The following SHANK2 variants were observed in gnomAD, a reference collection of about 807,000 sequenced individuals.
SHANK2 encodes SH3 and multiple ankyrin repeat domains 2.
In SHANK2, 43 loss-of-function variants were observed where a neutral mutation model predicts 133.7. That is an observed-to-expected ratio of 0.32 (90% CI 0.25 to 0.41). SHANK2 has a LOEUF of 0.41. Ranked by LOEUF, SHANK2 falls within the 10% of genes least tolerant of loss-of-function variation. The pLI is 1.00. For missense variants in SHANK2, 1,994 were observed against 2,235.8 expected, an observed-to-expected ratio of 0.89 and a Z score of 2.18; for synonymous variants, 1,017 against 952.8, an observed-to-expected ratio of 1.07 and a Z score of -1.24.
chr11:70,846,053 G>A (rs1555063178), intron 11 of SHANK2, among the ~76,000 whole-genome samples: 2 of 152,144 alleles, frequency 1.3e-5, no homozygotes, highest in South Asian at 4.1e-4. Context: ...GACCTGAACT[G>A]GGTCCCTGGG....
At chr11:70,719,549 G>A (rs938052180) in intron 14 of SHANK2, among the ~76,000 whole-genome samples, 1 of 152,098 alleles carries the variant, frequency 6.6e-6, no homozygotes, top group African/African-American at 2.4e-5. Context: ...CCTGACCTAC[G>A]TGGGATCCTG....
At chr11:71,115,718 G>A (rs1021970134) in intron 4 of SHANK2, among the ~76,000 whole-genome samples, 3 of 152,168 alleles carry the variant, frequency 2.0e-5, no homozygotes, top group Non-Finnish European at 4.4e-5. Flanking sequence ...CACAGCTGCA[G>A]GTACTGGGGC....
chr11:71,247,142 A>G (rs1183394951), intron 1 of SHANK2, among the ~76,000 whole-genome samples: 1 of 152,224 alleles, frequency 6.6e-6, no homozygotes, highest in East Asian at 1.9e-4. Flanking sequence ...TATAAATTCA[A>G]GAAAAGAACG....
chr11:71,158,242 C>T (rs7949824), intron 2 of SHANK2, among the ~76,000 whole-genome samples: 42,122 of 151,542 alleles, frequency 0.28, 6,594 homozygotes, highest in African/African-American at 0.41. Flanking sequence ...AATGTGTAAC[C>T]ATAAAACTAG....
chr11:70,840,257 C>A (rs566342653), intron 11 of SHANK2, among the ~76,000 whole-genome samples: 10 of 152,298 alleles, frequency 6.6e-5, no homozygotes, highest in African/African-American at 2.4e-4. Context: ...GGGTGGGTGC[C>A]TCGGAGGGCA....
chr11:71,126,718 T>C lies in SHANK2; in HGVS notation c.208-7686A>G, dbSNP rs1249850095. On this transcript the variant is annotated intron_variant, in intron 3 of 25. Transcript: ENST00000601538. ...CGGAAGAAGTTGATTCCAACCCTCA[T>C]AAACGACTTTTTTTTTTTTTTTTTT... Among the ~76,000 whole-genome samples, 155 of 146,392 alleles carry C rather than the reference T, an allele frequency of 1.1e-3. 1 individual carries two copies. The highest frequency in any genetic ancestry group is 3.9e-3 in the African/African-American group (149 of 38,144).
At chr11:70,745,839 A>G (rs1178549766) in intron 14 of SHANK2, among the ~76,000 whole-genome samples, 1 of 152,252 alleles carries the variant, frequency 6.6e-6, no homozygotes, top group South Asian at 2.1e-4. Flanking sequence ...CTGAGGCTCA[A>G]AAGGTGGCCT....
chr11:71,228,598 A>T (rs1209270474), intron 1 of SHANK2, among the ~76,000 whole-genome samples: 1 of 152,160 alleles, frequency 6.6e-6, no homozygotes, highest in Non-Finnish European at 1.5e-5. Context: ...TCTCTACTAA[A>T]AATACAAAAA....
intron 2 of SHANK2, among the ~76,000 whole-genome samples, chr11:71,205,678 G>C (rs1003784761): frequency 2.0e-5 from 3 of 152,182 alleles, no homozygotes; most frequent in African/African-American, 7.2e-5. Flanking sequence ...TTCCAGAGAG[G>C]GGTAGGTCTG....
At chr11:71,129,315 G>A (rs1437171907) in intron 3 of SHANK2, among the ~76,000 whole-genome samples, 4 of 152,174 alleles carry the variant, frequency 2.6e-5, no homozygotes, top group African/African-American at 7.2e-5. Flanking sequence ...GCGAGGGGAG[G>A]CTACGCCACC....
At chr11:71,123,614 T>C (rs1555101962) in intron 3 of SHANK2, among the ~76,000 whole-genome samples, 1 of 152,200 alleles carries the variant, frequency 6.6e-6, no homozygotes, top group African/African-American at 2.4e-5. Flanking sequence ...GTTACCAGTG[T>C]GAGCCTTGGT....
At chr11:71,213,953 C>CACCCCTT (rs1210753238) in intron 2 of SHANK2, among the ~76,000 whole-genome samples, 1 of 152,102 alleles carries the variant, frequency 6.6e-6, no homozygotes, top group Non-Finnish European at 1.5e-5. Flanking sequence ...ACAAGCCAAC[C>CACCCCTT]ACCCCTTTTT....
At chr11:70,883,575 G>A (rs1949691113) in intron 11 of SHANK2, among the ~76,000 whole-genome samples, 1 of 152,174 alleles carries the variant, frequency 6.6e-6, no homozygotes, top group Non-Finnish European at 1.5e-5. Flanking sequence ...AGGGGGCTGG[G>A]AAAGGGGGCA....
chr11:70,649,982 T>C (rs1346387805), intron 17 of SHANK2, among the ~76,000 whole-genome samples: 3 of 152,146 alleles, frequency 2.0e-5, no homozygotes, highest in Non-Finnish European at 4.4e-5. Context: ...AGAGACCTGG[T>C]CAGCAAACTC....
intron 11 of SHANK2, among the ~76,000 whole-genome samples, chr11:70,831,888 T>C (rs1948732016): frequency 6.6e-6 from 1 of 152,252 alleles, no homozygotes; most frequent in Non-Finnish European, 1.5e-5. Context: ...GTTTGGGTGC[T>C]GACTCTGTAT....
chr11:70,705,203 G>C (rs1253588789), intron 14 of SHANK2: 2 of 152,136 alleles, frequency 1.3e-5, no homozygotes, highest in Non-Finnish European at 2.9e-5. Flanking sequence ...GAATGGAGAA[G>C]GAACAAACAA....
At chr11:70,510,725 G>A (rs1021879823) in intron 17 of SHANK2, among the ~76,000 whole-genome samples, 4 of 152,194 alleles carry the variant, frequency 2.6e-5, no homozygotes, top group Non-Finnish European at 5.9e-5. Context: ...TGCCTTGTGC[G>A]AGTCATAGCA....
In SHANK2 at chr11:70,898,309, CACAT is replaced by C. The variant is rs1269398293; in HGVS notation, c.1108-1746_1108-1743del. ...ACACACACACACACACACACACACA[CACAT>C]ATATATATGTGTATATATATATATG... is the stretch of plus-strand genomic sequence containing the variant. On this transcript the variant is annotated intron_variant, in intron 10 of 25. Transcript: ENST00000601538. Among the ~76,000 whole-genome samples, 960 of 148,370 alleles carry C rather than the reference CACAT, an allele frequency of 6.5e-3. 8 individuals are homozygous for C. Among genetic ancestry groups the C allele is most frequent in the African/African-American group, 0.022 (875 of 39,092 alleles).
intron 17 of SHANK2, among the ~76,000 whole-genome samples, chr11:70,536,035 C>T (rs76390907): frequency 1.5e-3 from 224 of 152,330 alleles, no homozygotes; most frequent in African/African-American, 5.3e-3. Flanking sequence ...GGTGCACACA[C>T]TGTCGCCAAG....
Sources: allele counts gnomAD v4.1 joint callset (sites outside exome capture counted in the v4.1 genomes callset), GRCh38; gene constraint gnomAD v4.1.1; transcripts MANE v1.5; gene names NCBI Gene and HGNC (gene_info 2026-07-23, HGNC 2026-07-21).